The following KLHL29 variants were observed in gnomAD, a reference collection of about 807,000 sequenced individuals.
KLHL29 encodes the protein kelch-like protein 29.
KLHL29 carries 21 observed loss-of-function variants against 80.4 expected under a neutral mutation model. That is an observed-to-expected ratio of 0.26 (90% confidence interval 0.19 to 0.38). KLHL29 has a LOEUF of 0.38. Among genes scored for constraint, KLHL29 ranks in the 10% least tolerant of loss-of-function variants. The pLI is 1.00. For missense variants in KLHL29, 867 were observed against 1,223.9 expected, an observed-to-expected ratio of 0.71 and a Z score of 4.35; for synonymous variants, 511 against 526.8, an observed-to-expected ratio of 0.97 and a Z score of 0.41.
At chr2:23,691,612 G>A (rs1017421005) in intron 6 of KLHL29, 62 bp from the exon 7 acceptor site, 40 of 1,422,992 alleles carry the variant, frequency 2.8e-5, no homozygotes, top group Non-Finnish European at 3.8e-5. Context: ...ATCTAGCCCT[G>A]TGAGGAAGCG....
intron 7 of KLHL29, 23 bp from the exon 8 acceptor site, chr2:23,693,246 T>C (rs1671736038): frequency 2.6e-6 from 4 of 1,527,654 alleles, no homozygotes; most frequent in Non-Finnish European, 3.5e-6. Context: ...TTTGGGTCAG[T>C]GGTCCTGCGC....
At chr2:23,455,605 A>ATTTTTTTT (rs397873479) in intron 1 of KLHL29, among the ~76,000 whole-genome samples, 2 of 105,996 alleles carry the variant, frequency 1.9e-5, no homozygotes, top group African/African-American at 7.3e-5. Context: ...TGGTCTCCTG[A>ATTTTTTTT]TTTTTTTTTT....
intron 2 of KLHL29, among the ~76,000 whole-genome samples, chr2:23,519,987 G>A (rs1666045101): frequency 6.6e-6 from 1 of 152,220 alleles, no homozygotes; most frequent in Admixed American, 6.5e-5. Flanking sequence ...GAATAGAATG[G>A]GAGGCTGGTT....
At chr2:23,655,904 G>A (rs780082279) in intron 5 of KLHL29, among the ~76,000 whole-genome samples, 1 of 152,100 alleles carries the variant, frequency 6.6e-6, no homozygotes, top group African/African-American at 2.4e-5. Context: ...ATCATCACGC[G>A]GCATCCCCTG....
intron 2 of KLHL29, among the ~76,000 whole-genome samples, chr2:23,540,452 A>C (rs1666799738): frequency 6.6e-6 from 1 of 152,190 alleles, no homozygotes; most frequent in African/African-American, 2.4e-5. Flanking sequence ...GCTGGTCCAC[A>C]TTGTCCTTTC....
At chr2:23,573,892 G>T (rs1667778938) in intron 3 of KLHL29, among the ~76,000 whole-genome samples, 1 of 152,194 alleles carries the variant, frequency 6.6e-6, no homozygotes, top group Non-Finnish European at 1.5e-5. Flanking sequence ...TTGCACTCCA[G>T]CCCCCGCTTT....
At chr2:23,582,198 G>C (rs1668005102) in intron 3 of KLHL29, among the ~76,000 whole-genome samples, 1 of 152,132 alleles carries the variant, frequency 6.6e-6, no homozygotes, top group African/African-American at 2.4e-5. Context: ...GGAAAAATAG[G>C]GCTGCTGCTG....
chr2:23,604,296 C>T (rs1015382717), intron 3 of KLHL29, among the ~76,000 whole-genome samples: 5 of 152,016 alleles, frequency 3.3e-5, no homozygotes, highest in Admixed American at 6.5e-5. Flanking sequence ...GGGGTTTCAC[C>T]GTGTTAGCCA....
At chr2:23,678,526 G>A (rs900817697) in intron 5 of KLHL29, among the ~76,000 whole-genome samples, 4 of 152,266 alleles carry the variant, frequency 2.6e-5, no homozygotes, top group South Asian at 2.1e-4. Flanking sequence ...CATTTAGACC[G>A]GCCAGTCTCT....
chr2:23,597,372 TG>T (rs2103520547), intron 3 of KLHL29, among the ~76,000 whole-genome samples: 1 of 14,634 alleles, frequency 6.8e-5, no homozygotes, highest in South Asian at 3.4e-3. Flanking sequence ...TATATATATA[TG>T]TGTGTGTGTG....
At chr2:23,537,952 G>C (rs866747383) in intron 2 of KLHL29, among the ~76,000 whole-genome samples, 8 of 152,202 alleles carry the variant, frequency 5.3e-5, no homozygotes, top group Non-Finnish European at 1.5e-5. Flanking sequence ...TGATTTATGT[G>C]TGAGGAAAAA....
chr2:23,533,959 G>A (rs536949051), intron 2 of KLHL29, among the ~76,000 whole-genome samples: 1 of 147,930 alleles, frequency 6.8e-6, no homozygotes, highest in South Asian at 2.1e-4. Flanking sequence ...AAAGAAACGT[G>A]TGCGCTATGA....
At chr2:23,613,113 A>G (rs1284762499) in intron 3 of KLHL29, among the ~76,000 whole-genome samples, 2 of 152,218 alleles carry the variant, frequency 1.3e-5, no homozygotes, top group African/African-American at 4.8e-5. Context: ...ATTACAATGA[A>G]ATACAAAATA....
intron 2 of KLHL29, among the ~76,000 whole-genome samples, chr2:23,475,962 C>T (rs2103438455): frequency 2.0e-5 from 3 of 152,320 alleles, no homozygotes; most frequent in Middle Eastern, 6.8e-3. Flanking sequence ...TCACTGCAAC[C>T]TCTGCCTCTG....
chr2:23,614,581 T>G (rs1668954193), intron 3 of KLHL29, among the ~76,000 whole-genome samples: 1 of 152,208 alleles, frequency 6.6e-6, no homozygotes, highest in African/African-American at 2.4e-5. Context: ...TTAGAGAATA[T>G]TGTACATAAA....
intron 1 of KLHL29, among the ~76,000 whole-genome samples, chr2:23,400,096 G>C (rs920761450): frequency 2.0e-5 from 3 of 152,074 alleles, no homozygotes; most frequent in African/African-American, 7.2e-5. Flanking sequence ...TTGCTTTTTT[G>C]GTGACTCAGC....
In KLHL29 at chr2:23,602,405, C is replaced by T. The variant is rs188785103; in HGVS notation, c.286-36734C>T. On this transcript the variant is annotated intron_variant, in intron 3 of 13. Transcript: ENST00000486442. The stretch of plus-strand genomic sequence containing the variant: ...CCTCCTGGAGACATTCTGTCCTGGT[C>T]GGCCCCAAAGGCTGGCTCTGAGTCA... 1.1e-4 allele frequency among the ~76,000 whole-genome samples: 16 copies of T among 152,264 alleles called. No homozygotes were observed. In the East Asian group the frequency reaches 2.7e-3, roughly 26 times the overall value.
At chr2:23,469,083 C>T (rs572343899) in intron 1 of KLHL29, among the ~76,000 whole-genome samples, 6 of 152,338 alleles carry the variant, frequency 3.9e-5, no homozygotes, top group African/African-American at 1.4e-4. Flanking sequence ...CACAAGACTC[C>T]AGTCAAGTCT....
chr2:23,626,178 G>A (rs1442491828), intron 3 of KLHL29, among the ~76,000 whole-genome samples: 1 of 152,184 alleles, frequency 6.6e-6, no homozygotes, highest in African/African-American at 2.4e-5. Context: ...TACACAACCT[G>A]GATCCCTCTC....
Sources: gnomAD v4.1 joint callset for allele counts (sites outside exome capture counted in the v4.1 genomes callset) on GRCh38, gnomAD v4.1.1 for gene constraint, MANE v1.5 for transcripts, NCBI Gene and HGNC (gene_info 2026-07-23, HGNC 2026-07-21) for gene names.